PEBP4: variants seen among roughly 807,000 people sequenced by gnomAD.
The protein encoded by PEBP4 is phosphatidylethanolamine-binding protein 4.
A neutral mutation model predicts 23.9 loss-of-function variants in PEBP4; 22 were observed. The ratio of observed to expected loss-of-function variants is 0.92; its 90% CI spans 0.66 to 1.31. PEBP4 has a LOEUF of 1.31. Among genes scored for constraint, PEBP4 ranks in the 40% most tolerant of loss-of-function variants. The probability of loss-of-function intolerance (pLI) is 0.00; values close to 1 mark genes in which losing one functional copy is unlikely to be tolerated. For synonymous variants in PEBP4, 112 were observed against 99.3 expected (o/e 1.13, Z -0.76); for missense variants, 324 against 281.7 (o/e 1.15, Z -1.07).
chr8:22,866,767 T>A (rs914328864), intron 3 of PEBP4, among the ~76,000 whole-genome samples: 1 of 152,180 alleles, frequency 6.6e-6, no homozygotes, highest in Admixed American at 6.5e-5. Context: ...TCTTTTTTTT[T>A]TATAAGCGCC....
chr8:22,848,076 G>A (rs563159267), intron 3 of PEBP4, among the ~76,000 whole-genome samples: 2 of 152,148 alleles, frequency 1.3e-5, no homozygotes, highest in Admixed American at 1.3e-4. Context: ...GAATTCAAAA[G>A]CCGTTTTATG....
At chr8:22,822,354 A>AGTGTGTGTGTGTGTGTGTGTGT (rs34500729) in intron 3 of PEBP4, among the ~76,000 whole-genome samples, 5 of 147,758 alleles carry the variant, frequency 3.4e-5, no homozygotes, top group African/African-American at 1.3e-4. Flanking sequence ...TATATACTAA[A>AGTGTGTGTGTGTGTGTGTGTGT]GTGTGTGTGT....
At chr8:22,720,374 C>T (rs1804494646) in intron 6 of PEBP4, among the ~76,000 whole-genome samples, 1 of 152,110 alleles carries the variant, frequency 6.6e-6, no homozygotes, top group South Asian at 2.1e-4. Context: ...GGAAAGTGGG[C>T]AAGGCATTGC....
intron 3 of PEBP4, among the ~76,000 whole-genome samples, chr8:22,835,131 A>C (rs191173902): frequency 1.1e-3 from 165 of 152,326 alleles, no homozygotes; most frequent in African/African-American, 3.8e-3. Flanking sequence ...CCAGTTCTAC[A>C]TATAGGCTGT....
At chr8:22,836,856 G>C (rs909633185) in intron 3 of PEBP4, among the ~76,000 whole-genome samples, 4 of 151,986 alleles carry the variant, frequency 2.6e-5, no homozygotes, top group Non-Finnish European at 4.4e-5. Context: ...GCATGAAAGG[G>C]AGAGAGAAGA....
chr8:22,734,553 A>G (rs749750528), intron 4 of PEBP4, among the ~76,000 whole-genome samples: 34 of 152,130 alleles, frequency 2.2e-4, no homozygotes, highest in Non-Finnish European at 4.4e-4. Context: ...ATATCATCTT[A>G]GGAGATGCCA....
chr8:22,927,660 C>T lies in PEBP4; in HGVS notation c.55G>A (p.Val19Met), dbSNP rs755926565. ...TAALLLGLMMVVTGDEDENSP... is the reference protein window; with the variant it reads ...TAALLLGLMMMVTGDEDENSP... ...TTCTCATCCTCGTCTCCAGTGACCACCATCATGAGACCCAGTAACAGTGCT... is the reference window on the plus strand; with the variant it reads ...TTCTCATCCTCGTCTCCAGTGACCATCATCATGAGACCCAGTAACAGTGCT... Residue 19 changes from valine to methionine, a missense_variant, in exon 2 of 7, where the codon GTG becomes ATG. By Grantham distance (21) the Val-to-Met change is conservative. Transcript: ENST00000256404. The T allele has an allele frequency of 6.2e-7, 1 of 1,613,964 alleles. No individual in the cohort carries two copies. The highest frequency in any genetic ancestry group is 1.3e-5 in the African/African-American group (1 of 75,054).
chr8:22,858,460 C>T (rs564047251), intron 3 of PEBP4, among the ~76,000 whole-genome samples: 4 of 152,258 alleles, frequency 2.6e-5, no homozygotes, highest in African/African-American at 9.6e-5. Context: ...AATGCTTGGC[C>T]CCAGCATCCT....
chr8:22,796,821 T>A (rs1168181078), intron 4 of PEBP4, among the ~76,000 whole-genome samples: 3 of 152,030 alleles, frequency 2.0e-5, no homozygotes, highest in Non-Finnish European at 4.4e-5. Context: ...AGAAGAGGGA[T>A]GAAATACTGC....
chr8:22,851,423 C>T (rs1015077116), intron 3 of PEBP4, among the ~76,000 whole-genome samples: 1 of 152,108 alleles, frequency 6.6e-6, no homozygotes. Flanking sequence ...GTGAAGCCTA[C>T]TTAAGGTACA....
At chr8:22,728,901 A>T (rs1804678448) in intron 4 of PEBP4, among the ~76,000 whole-genome samples, 1 of 152,054 alleles carries the variant, frequency 6.6e-6, no homozygotes, top group African/African-American at 2.4e-5. Context: ...CCCAGCTGAG[A>T]TCTCTTTCCT....
chr8:22,838,709 C>T (rs921533314), intron 3 of PEBP4, among the ~76,000 whole-genome samples: 5 of 152,372 alleles, frequency 3.3e-5, no homozygotes, highest in South Asian at 2.1e-4. Context: ...CCAGGCCTGG[C>T]GCTGAGCTGT....
rs1463784709 is a variant in PEBP4 at position 22,741,007 on chromosome 8, C to T, written c.358-13787G>A. Among the ~76,000 whole-genome samples the T allele has an allele frequency of 2.6e-5, 4 of 152,208 alleles. No individual in the cohort carries two copies. The South Asian group carries it at 6.2e-4, about 24-fold the overall frequency. On this transcript the variant is annotated intron_variant, in intron 4 of 6. Coordinates refer to ENST00000256404, the MANE Select transcript of PEBP4 (RefSeq NM_144962.3). ...GAGGGAGGGTTGCTTGTCCTCCAGG[C>T]ATGCAGGGACCTCAGGGACTGGGAA...
chr8:22,780,816 G>C (rs1402132115), intron 4 of PEBP4, among the ~76,000 whole-genome samples: 1 of 152,172 alleles, frequency 6.6e-6, no homozygotes, highest in Non-Finnish European at 1.5e-5. Flanking sequence ...GGATGAGAAA[G>C]TCTCTAGGGT....
intron 4 of PEBP4, among the ~76,000 whole-genome samples, chr8:22,794,636 C>A (rs1363910890): frequency 6.6e-6 from 1 of 152,176 alleles, no homozygotes; most frequent in Non-Finnish European, 1.5e-5. Context: ...GTGTTAAAGA[C>A]AATAATCCTC....
chr8:22,727,838 C>A (rs530796469), intron 4 of PEBP4, among the ~76,000 whole-genome samples: 1 of 152,258 alleles, frequency 6.6e-6, no homozygotes, highest in South Asian at 2.1e-4. Context: ...GCCACTGGGA[C>A]AGCCTCAGTT....
At chr8:22,897,511 A>G (rs1397729724) in intron 3 of PEBP4, among the ~76,000 whole-genome samples, 5 of 152,226 alleles carry the variant, frequency 3.3e-5, no homozygotes, top group Non-Finnish European at 7.3e-5. Context: ...TAGTATGTGT[A>G]AAAATACCAC....
chr8:22,729,622 A>C (rs901941672), intron 4 of PEBP4, among the ~76,000 whole-genome samples: 2 of 152,180 alleles, frequency 1.3e-5, no homozygotes, highest in African/African-American at 4.8e-5. Flanking sequence ...GATTCTGCAA[A>C]TCCTTACGTT....
chr8:22,802,937 G>C (rs1806418211), intron 4 of PEBP4, among the ~76,000 whole-genome samples: 1 of 152,174 alleles, frequency 6.6e-6, no homozygotes, highest in Non-Finnish European at 1.5e-5. Context: ...CCACAGGGCG[G>C]CAGAGACTAG....
Sources: allele counts gnomAD v4.1 joint callset (sites outside exome capture counted in the v4.1 genomes callset), GRCh38; gene constraint gnomAD v4.1.1; transcripts MANE v1.5; gene names NCBI Gene and HGNC (gene_info 2026-07-23, HGNC 2026-07-21).